SETD2: variants seen among roughly 807,000 people sequenced by gnomAD.
The protein encoded by SETD2 is histone-lysine N-methyltransferase SETD2.
SETD2 carries 31 observed loss-of-function variants against 242.1 expected under a neutral mutation model. That is an observed-to-expected ratio of 0.13 (90% CI 0.10 to 0.17). The LOEUF is 0.17. SETD2 is among the 10% of genes least tolerant of loss of function. SETD2 has a pLI of 1.00. For synonymous variants in SETD2, 1,006 were observed against 1,066.5 expected (o/e 0.94, Z 1.11); for missense variants, 2,481 against 3,046.3 (o/e 0.81, Z 4.37).
rs1321363977 is a variant in SETD2 at position 47,017,270 on chromosome 3, G to A, written c.7534-16C>T. ...CGTGAGTCAGCTGTCCAGGGCACAGGAAGAGAGACCACAGCCACCAATCAG... is the reference window on the plus strand; with the variant it reads ...CGTGAGTCAGCTGTCCAGGGCACAGAAAGAGAGACCACAGCCACCAATCAG... On this transcript the variant is annotated splice_polypyrimidine_tract_variant and intron_variant, in intron 20 of 20. Transcript: ENST00000409792. The surrounding 1 kb of genome is among the most constrained non-coding windows in gnomAD (Gnocchi z 4.8). The A allele has an allele frequency of 6.2e-7, 1 of 1,613,494 alleles. No homozygotes were observed.
chr3:47,106,493 T>TTAAAAAAAAAAAAA (rs1309150228), intron 5 of SETD2, among the ~76,000 whole-genome samples: 1 of 57,260 alleles, frequency 1.7e-5, no homozygotes, highest in African/African-American at 6.7e-5. Flanking sequence ...ATTTTTGCTC[T>TTAAAAAAAAAAAAA]AAAAAAAAAA....
At position 47,122,766 on chromosome 3, in the gene SETD2, A is replaced by T. The variant is rs1324611364; in HGVS notation, c.1870T>A (p.Ser624Thr). Residue 624 changes from serine to threonine, a missense_variant, in exon 3 of 21, where the codon TCA becomes ACA. Coordinates refer to ENST00000409792, the MANE Select transcript of SETD2 (RefSeq NM_014159.7). ...TCATCTAGCTTTTTTAAAGTAGGTGAATCATTTAATCGATTTGATGGAGCT... is the reference window on the plus strand; with the variant it reads ...TCATCTAGCTTTTTTAAAGTAGGTGTATCATTTAATCGATTTGATGGAGCT... ...SPAPSNRLND[S>T]PTLKKLDELP... 1 of 1,610,462 alleles carries T rather than the reference A, an allele frequency of 6.2e-7. No homozygotes were observed. Among genetic ancestry groups the T allele is most frequent in the Admixed American group, 1.7e-5 (1 of 59,036 alleles).
intron 4 of SETD2, among the ~76,000 whole-genome samples, chr3:47,114,953 G>A (rs1029134462): frequency 1.4e-4 from 21 of 150,678 alleles, no homozygotes; most frequent in African/African-American, 4.1e-4. Context: ...TGCCCACCCA[G>A]CAGCAAATAA....
chr3:47,139,426 T>C (rs2043672192), intron 1 of SETD2, among the ~76,000 whole-genome samples: 1 of 152,208 alleles, frequency 6.6e-6, no homozygotes, highest in African/African-American at 2.4e-5. Context: ...GACTTGCATT[T>C]ATTGTTCTTG....
intron 1 of SETD2, among the ~76,000 whole-genome samples, chr3:47,139,029 C>T (rs1312660740): frequency 6.6e-6 from 1 of 152,076 alleles, no homozygotes; most frequent in Non-Finnish European, 1.5e-5. Flanking sequence ...TGCTATGGCA[C>T]GATCATAGCT....
chr3:47,162,185 A>G (rs902198111), intron 1 of SETD2, among the ~76,000 whole-genome samples: 2 of 152,204 alleles, frequency 1.3e-5, no homozygotes, highest in African/African-American at 4.8e-5. Flanking sequence ...ACAACCTGGT[A>G]AAAGGAAGTG....
At chr3:47,054,012 C>T (rs2039955945) in intron 15 of SETD2, among the ~76,000 whole-genome samples, 2 of 152,138 alleles carry the variant, frequency 1.3e-5, no homozygotes, top group South Asian at 4.1e-4. Context: ...CTAGGATGCA[C>T]AGTAAATGAT....
intron 1 of SETD2, among the ~76,000 whole-genome samples, chr3:47,133,765 T>C (rs1223438099): frequency 6.6e-6 from 1 of 152,096 alleles, no homozygotes; most frequent in Non-Finnish European, 1.5e-5. Context: ...TTGGAAATCC[T>C]AGAGCCTCAG....
chr3:47,115,702 T>C (rs528523233), intron 4 of SETD2, among the ~76,000 whole-genome samples: 4 of 152,284 alleles, frequency 2.6e-5, no homozygotes, highest in South Asian at 2.1e-4. Context: ...GGCTGGAGTA[T>C]AGTGGAATGA....
rs67167956 is a variant in SETD2 at position 47,093,284 on chromosome 3, C to CTTT, written c.5142+4668_5142+4670dup. On this transcript the variant is annotated intron_variant, in intron 9 of 20. Coordinates refer to ENST00000409792, the MANE Select transcript of SETD2 (RefSeq NM_014159.7). The stretch of plus-strand genomic sequence containing the variant: ...CTATTTCTTTTATAATTTATCCATC[C>CTTT]TTTTTTTTTTTTTTTTTGAGACTGA... Among the ~76,000 whole-genome samples, 749 of 133,672 alleles carry CTTT rather than the reference C, an allele frequency of 5.6e-3. 35 individuals carry two copies. The highest frequency in any genetic ancestry group is 0.021 in the African/African-American group (706 of 34,390). The allele number at this position is 133,672 out of a possible 152,430, so 87.7% of individuals were successfully genotyped here.
chr3:47,096,445 G>T (rs1003167741), intron 9 of SETD2, among the ~76,000 whole-genome samples: 1 of 152,170 alleles, frequency 6.6e-6, no homozygotes, highest in Non-Finnish European at 1.5e-5. Flanking sequence ...GGTAGCTCAT[G>T]CCTGTAATCC....
At chr3:47,022,556 C>CT (rs2038279588) in intron 18 of SETD2, among the ~76,000 whole-genome samples, 1 of 152,110 alleles carries the variant, frequency 6.6e-6, no homozygotes, top group Admixed American at 6.5e-5. Context: ...GGTAGGGGCT[C>CT]TGATACATAA....
Position 47,083,831 on chromosome 3 carries a change from TTCA to T in SETD2, c.5946_5948del (p.Asp1982del). 1 of 1,614,122 alleles carries T rather than the reference TTCA, an allele frequency of 6.2e-7. No individual in the cohort carries two copies. On this transcript the variant is annotated inframe_deletion, in exon 12 of 21. Transcript: ENST00000409792. ...TCTCCACATCAGACACACCCTCCTC[TTCA>T]TCTTGGGATGGTGTTTCTTCATTAA...
chr3:47,125,418 T>C (rs1372885063), intron 2 of SETD2, among the ~76,000 whole-genome samples: 1 of 152,122 alleles, frequency 6.6e-6, no homozygotes, highest in Non-Finnish European at 1.5e-5. Flanking sequence ...AGCTCTAAGA[T>C]GAGGAAAGGG....
At chr3:47,058,663 C>T (rs1453927548) in intron 14 of SETD2, among the ~76,000 whole-genome samples, 1 of 151,152 alleles carries the variant, frequency 6.6e-6, no homozygotes, top group Non-Finnish European at 1.5e-5. Context: ...TGAAAGAAGG[C>T]AAATTCAAAT....
intron 13 of SETD2, chr3:47,064,422 T>G (rs755736199): frequency 5.9e-6 from 1 of 169,184 alleles, no homozygotes; most frequent in African/African-American, 2.4e-5. Context: ...GGTACCATTA[T>G]CCAGTTGCAT....
chr3:47,075,279 G>C (rs1052984588), intron 12 of SETD2, among the ~76,000 whole-genome samples: 1 of 151,994 alleles, frequency 6.6e-6, no homozygotes, highest in Non-Finnish European at 1.5e-5. Context: ...ATCTAAAAAG[G>C]CTGGGCGCGG....
chr3:47,096,575 A>T (rs1345816496), intron 9 of SETD2, among the ~76,000 whole-genome samples: 2 of 79,790 alleles, frequency 2.5e-5, no homozygotes, highest in Non-Finnish European at 5.3e-5. Context: ...TTGCCTCAAA[A>T]AAAAAAAAAA....
chr3:47,033,213 A>G (rs1445986866), intron 18 of SETD2, among the ~76,000 whole-genome samples: 1 of 151,714 alleles, frequency 6.6e-6, no homozygotes, highest in Non-Finnish European at 1.5e-5. Context: ...TATCCCGAAC[A>G]CTCCCTTCCT....
Sources: gnomAD v4.1 joint callset for allele counts (sites outside exome capture counted in the v4.1 genomes callset) on GRCh38, gnomAD v4.1.1 for gene constraint, Gnocchi (gnomAD v3.1) non-coding constraint, MANE v1.5 for transcripts, NCBI Gene and HGNC (gene_info 2026-07-23, HGNC 2026-07-21) for gene names.